Variants in DMD observed in about 807,000 individuals in gnomAD.
DMD encodes dystrophin.
DMD carries 63 observed loss-of-function variants against 330.1 expected under a neutral mutation model. The ratio of observed to expected loss-of-function variants is 0.19; its 90% CI spans 0.16 to 0.24. DMD has a LOEUF of 0.24. Ranked by LOEUF, DMD falls within the 10% of genes least tolerant of loss-of-function variation. The pLI, the probability that DMD is intolerant of heterozygous loss-of-function variation, is 1.00. For missense variants in DMD, 3,344 were observed against 2,684.1 expected (o/e 1.25, Z -5.43); for synonymous variants, 1,223 against 959.8 (o/e 1.27, Z -5.07).
intron 47 of DMD, among the ~76,000 whole-genome samples, chrX:31,925,742 CAT>C (rs1461620063): frequency 1.8e-5 from 2 of 109,312 alleles, no homozygotes; most frequent in Admixed American, 9.8e-5. Flanking sequence ...CGTGGTGGTG[CAT>C]GCCTGTAATC....
chrX:32,680,658 T>G (rs1245638145), intron 9 of DMD, among the ~76,000 whole-genome samples: 1 of 112,237 alleles, frequency 8.9e-6, no homozygotes, highest in African/African-American at 3.2e-5. Context: ...CTTCAAAAAT[T>G]AGTGAAAACT....
At chrX:31,748,500 T>G (rs1369979623) in intron 51 of DMD, among the ~76,000 whole-genome samples, 1 of 111,946 alleles carries the variant, frequency 8.9e-6, no homozygotes, top group Non-Finnish European at 1.9e-5. Context: ...TTATGTAATA[T>G]TCCCCATTAC....
intron 50 of DMD, among the ~76,000 whole-genome samples, chrX:31,816,165 G>A (rs757618684): frequency 3.6e-5 from 4 of 112,080 alleles, no homozygotes; most frequent in Admixed American, 9.5e-5. Context: ...GTGCTTCTAT[G>A]CAACAATAGA....
chrX:33,276,086 G>A (rs1458995741), intron 1 of DMD, among the ~76,000 whole-genome samples: 2 of 111,516 alleles, frequency 1.8e-5, no homozygotes, highest in African/African-American at 3.3e-5. Flanking sequence ...ATCTAATAAA[G>A]ATGAAATTTT....
intron 2 of DMD, among the ~76,000 whole-genome samples, chrX:32,875,900 G>C (rs898651572): frequency 9.0e-6 from 1 of 111,583 alleles, no homozygotes; most frequent in African/African-American, 3.3e-5. Flanking sequence ...CTTTTTAACT[G>C]TGTATAATAT....
intron 62 of DMD, among the ~76,000 whole-genome samples, chrX:31,303,574 A>G (rs2054813696): frequency 1.8e-5 from 2 of 111,412 alleles, no homozygotes; most frequent in African/African-American, 6.5e-5. Context: ...AAATCTCTCA[A>G]ATCTATGCCT....
intron 30 of DMD, among the ~76,000 whole-genome samples, chrX:32,391,142 G>A (rs1166608602): frequency 1.8e-5 from 2 of 111,310 alleles, no homozygotes; most frequent in Non-Finnish European, 3.8e-5. Context: ...ATTTATTTCT[G>A]TCAAATCCAT....
At chrX:33,032,487 C>T (rs1490637512) in intron 1 of DMD, among the ~76,000 whole-genome samples, 2 of 111,784 alleles carry the variant, frequency 1.8e-5, no homozygotes, top group African/African-American at 6.5e-5. Flanking sequence ...ATGTATATAA[C>T]CTCTTCATTT....
chrX:32,789,493 G>A (rs1011428951), intron 7 of DMD, among the ~76,000 whole-genome samples: 6 of 111,899 alleles, frequency 5.4e-5, no homozygotes, highest in African/African-American at 9.7e-5. Context: ...GTCACAGCCC[G>A]TCCTCAGTGA....
At chrX:32,616,958 G>T (rs113320964) in intron 11 of DMD, among the ~76,000 whole-genome samples, 1,222 of 107,842 alleles carry the variant, frequency 0.011, 30 homozygotes, top group African/African-American at 0.039. Flanking sequence ...ACTTTTTTTT[G>T]AACTACCTCT....
At chrX:31,981,207 G>A (rs1203912191) in intron 44 of DMD, among the ~76,000 whole-genome samples, 1 of 111,581 alleles carries the variant, frequency 9.0e-6, no homozygotes, top group East Asian at 2.8e-4. Context: ...TGTCTTTCAG[G>A]AACACACGTG....
At chrX:33,196,023 TC>T (rs1176915323) in intron 1 of DMD, among the ~76,000 whole-genome samples, 1 of 111,453 alleles carries the variant, frequency 9.0e-6, no homozygotes, top group African/African-American at 3.3e-5. Context: ...TAATTGCTTG[TC>T]TAGAATTATC....
intron 1 of DMD, among the ~76,000 whole-genome samples, chrX:33,062,164 G>A (rs2148083740): frequency 8.9e-6 from 1 of 111,926 alleles, no homozygotes; most frequent in Non-Finnish European, 1.9e-5. Context: ...AGCAGAAGTT[G>A]ATTGTATTCC....
intron 47 of DMD, among the ~76,000 whole-genome samples, chrX:31,885,639 A>AG (rs1213333913): frequency 9.6e-5 from 5 of 51,903 alleles, no homozygotes; most frequent in Non-Finnish European, 2.0e-4. Flanking sequence ...AAAAAAAAAG[A>AG]AAAAAAAAGA....
In DMD at chrX:32,973,794, A is replaced by G. The variant is rs371248489; in HGVS notation, c.93+46345T>C. On this transcript the variant is annotated intron_variant, in intron 2 of 78. Coordinates refer to ENST00000357033, the MANE Select transcript of DMD (RefSeq NM_004006.3). ...GGGTGATTTTATACACAGCAAAAGT[A>G]AGTGGGATACCCTGCCAATATGTCT... 1.2e-4 allele frequency among the ~76,000 whole-genome samples: 14 copies of G among 112,134 alleles called. No homozygotes were observed. The East Asian group carries it at 3.6e-3, about 29-fold the overall frequency.
chrX:32,781,701 G>A (rs1200908108), intron 7 of DMD, among the ~76,000 whole-genome samples: 1 of 110,343 alleles, frequency 9.1e-6, no homozygotes, highest in Non-Finnish European at 1.9e-5. Context: ...ATCTCTCCAT[G>A]TATTGACAAG....
chrX:32,360,489 T>C (rs2097827783), intron 37 of DMD, among the ~76,000 whole-genome samples: 1 of 111,174 alleles, frequency 9.0e-6, no homozygotes, highest in South Asian at 3.8e-4. Flanking sequence ...TTAATTAACA[T>C]ATAATTGAAA....
chrX:32,856,906 T>C (rs1041050682), intron 2 of DMD, among the ~76,000 whole-genome samples: 5 of 110,745 alleles, frequency 4.5e-5, no homozygotes, highest in African/African-American at 1.6e-4. Flanking sequence ...AAACCCCGTC[T>C]CTACTAAAAA....
intron 52 of DMD, among the ~76,000 whole-genome samples, chrX:31,694,854 A>G (rs1482619758): frequency 9.2e-6 from 1 of 108,749 alleles, no homozygotes; most frequent in Non-Finnish European, 1.9e-5. Flanking sequence ...CCATAAAGAC[A>G]GTATGAATGT....
Sources: allele counts gnomAD v4.1 joint callset (sites outside exome capture counted in the v4.1 genomes callset), GRCh38; gene constraint gnomAD v4.1.1; transcripts MANE v1.5; gene names NCBI Gene and HGNC (gene_info 2026-07-23, HGNC 2026-07-21).